GABRB1: variants seen among roughly 807,000 people sequenced by gnomAD.
GABRB1 encodes gamma-aminobutyric acid receptor subunit beta-1.
Under a neutral mutation model 51.6 loss-of-function variants are expected in GABRB1, and 17 were observed. The ratio of observed to expected loss-of-function variants is 0.33; its 90% CI spans 0.23 to 0.49. The LOEUF is 0.49. GABRB1 is among the 20% of genes least tolerant of loss of function. The pLI, the probability that GABRB1 is intolerant of heterozygous loss-of-function variation, is 0.99. For missense variants in GABRB1, 410 were observed against 600.6 expected (o/e 0.68, Z 3.32); for synonymous variants, 247 against 218.9 (o/e 1.13, Z -1.14).
At chr4:47,352,095 T>G (rs901494370) in intron 5 of GABRB1, among the ~76,000 whole-genome samples, 129 of 152,206 alleles carry the variant, frequency 8.5e-4, no homozygotes, top group African/African-American at 2.9e-3. Context: ...TTTTAATGAT[T>G]GCCATTCTAA....
chr4:47,362,016 G>C (rs570298477), intron 5 of GABRB1, among the ~76,000 whole-genome samples: 1 of 152,220 alleles, frequency 6.6e-6, no homozygotes, highest in East Asian at 1.9e-4. Context: ...AAATGAATGA[G>C]AAGAGAGGAA....
chr4:47,158,418 T>C (rs923562189), intron 3 of GABRB1, among the ~76,000 whole-genome samples: 4 of 152,114 alleles, frequency 2.6e-5, no homozygotes, highest in Non-Finnish European at 5.9e-5. Context: ...AATTTACTCT[T>C]ACCAATTTTC....
chr4:47,359,508 G>A (rs902968027), intron 5 of GABRB1, among the ~76,000 whole-genome samples: 2 of 151,994 alleles, frequency 1.3e-5, no homozygotes, highest in African/African-American at 4.8e-5. Context: ...ATCATAGAGA[G>A]TACTTTTGGA....
intron 5 of GABRB1, among the ~76,000 whole-genome samples, chr4:47,350,995 G>T (rs1726308147): frequency 6.6e-6 from 1 of 152,208 alleles, no homozygotes; most frequent in Admixed American, 6.5e-5. Flanking sequence ...TGAGATAAAA[G>T]TTTCTTCCAC....
At chr4:47,221,428 A>G (rs946136486) in intron 4 of GABRB1, among the ~76,000 whole-genome samples, 2 of 152,010 alleles carry the variant, frequency 1.3e-5, no homozygotes, top group African/African-American at 4.8e-5. Context: ...TATCAAATGG[A>G]ATTGTTACTG....
chr4:47,362,326 ACT>A (rs1560351959), intron 5 of GABRB1, among the ~76,000 whole-genome samples: 1 of 152,080 alleles, frequency 6.6e-6, no homozygotes, highest in Non-Finnish European at 1.5e-5. Flanking sequence ...ATTATGGATA[ACT>A]CTAGAAATTT....
At chr4:47,151,424 A>G (rs989525345) in intron 3 of GABRB1, among the ~76,000 whole-genome samples, 43 of 152,158 alleles carry the variant, frequency 2.8e-4, no homozygotes, top group Non-Finnish European at 5.9e-4. Context: ...CATTTCTTCA[A>G]AGTAATGTGG....
chr4:47,303,367 GCT>G (rs71602426), intron 4 of GABRB1, among the ~76,000 whole-genome samples: 71,536 of 138,096 alleles, frequency 0.52, 18,433 homozygotes, highest in Middle Eastern at 0.7. Context: ...TTGAAGGTGT[GCT>G]CTCTCTCTCT....
At chr4:47,201,113 A>T (rs1719880874) in intron 4 of GABRB1, among the ~76,000 whole-genome samples, 1 of 152,166 alleles carries the variant, frequency 6.6e-6, no homozygotes, top group Non-Finnish European at 1.5e-5. Flanking sequence ...GCAATATTTT[A>T]AAAATATGTT....
At chr4:47,020,368 C>T (rs571558046) in intron 1 of GABRB1, among the ~76,000 whole-genome samples, 3 of 152,236 alleles carry the variant, frequency 2.0e-5, no homozygotes, top group South Asian at 2.1e-4. Context: ...CTATGTGCTG[C>T]TAGCTTTCAA....
chr4:47,303,618 A>G (rs1724342820), intron 4 of GABRB1, among the ~76,000 whole-genome samples: 1 of 151,888 alleles, frequency 6.6e-6, no homozygotes, highest in African/African-American at 2.4e-5. Flanking sequence ...CCTTTTTATC[A>G]TTTATTTTTA....
chr4:47,274,453 A>T (rs1183075368), intron 4 of GABRB1, among the ~76,000 whole-genome samples: 2 of 152,144 alleles, frequency 1.3e-5, no homozygotes, highest in African/African-American at 4.8e-5. Flanking sequence ...AGCACATAGG[A>T]AAGATAAAAT....
chr4:47,102,396 T>C (rs1299502090), intron 3 of GABRB1, among the ~76,000 whole-genome samples: 1 of 151,946 alleles, frequency 6.6e-6, no homozygotes, highest in Non-Finnish European at 1.5e-5. Context: ...TTCCAGGAAG[T>C]TTAAAAGATT....
intron 3 of GABRB1, among the ~76,000 whole-genome samples, chr4:47,081,660 A>G (rs553132926): frequency 1.3e-5 from 2 of 152,058 alleles, no homozygotes. Context: ...CAAGTTTAAT[A>G]TGTTTTTATG....
chr4:47,252,999 C>T (rs1450104224), intron 4 of GABRB1, among the ~76,000 whole-genome samples: 1 of 152,132 alleles, frequency 6.6e-6, no homozygotes, highest in African/African-American at 2.4e-5. Context: ...TATACATTGA[C>T]TATTGAATCC....
chr4:47,001,261 G>T (rs1317332088), intron 1 of GABRB1, among the ~76,000 whole-genome samples: 1 of 152,046 alleles, frequency 6.6e-6, no homozygotes, highest in Non-Finnish European at 1.5e-5. Context: ...TCCTGCCTCA[G>T]CCTCCCGAGT....
At chr4:47,347,678 A>G (rs1726152711) in intron 5 of GABRB1, among the ~76,000 whole-genome samples, 1 of 152,204 alleles carries the variant, frequency 6.6e-6, no homozygotes, top group South Asian at 2.1e-4. Flanking sequence ...GCAAATATAT[A>G]TATTTTTAGA....
At chr4:47,212,986 C>T (rs1023084729) in intron 4 of GABRB1, among the ~76,000 whole-genome samples, 3 of 152,116 alleles carry the variant, frequency 2.0e-5, no homozygotes, top group Admixed American at 1.3e-4. Context: ...TGCTAATGCA[C>T]GACATACATG....
chr4:47,012,902 A>G (rs1389094255), intron 1 of GABRB1, among the ~76,000 whole-genome samples: 2 of 152,230 alleles, frequency 1.3e-5, no homozygotes, highest in East Asian at 3.8e-4. Flanking sequence ...CCTCAAGGGA[A>G]GTATGTCAAG....
Sources: gnomAD v4.1 joint callset for allele counts (sites outside exome capture counted in the v4.1 genomes callset) on GRCh38, gnomAD v4.1.1 for gene constraint, MANE v1.5 for transcripts, NCBI Gene and HGNC (gene_info 2026-07-23, HGNC 2026-07-21) for gene names.